Variants in HTR2A observed in about 807,000 individuals in gnomAD.
HTR2A encodes the protein 5-hydroxytryptamine receptor 2A, also known as 5-HT2 receptor.
Under a neutral mutation model 31.0 loss-of-function variants are expected in HTR2A, and 14 were observed. The observed-to-expected ratio is 0.45, with a 90% CI of 0.30 to 0.71. The LOEUF (loss-of-function observed/expected upper bound fraction) is 0.71, where lower values mean the gene tolerates loss of function less well. Among genes scored for constraint, HTR2A ranks in the 30% least tolerant of loss-of-function variants. The pLI, the probability that HTR2A is intolerant of heterozygous loss-of-function variation, is 0.09. For synonymous variants in HTR2A, 209 were observed against 225.2 expected (o/e 0.93, Z 0.64); for missense variants, 442 against 573.3 (o/e 0.77, Z 2.34).
intron 3 of HTR2A, among the ~76,000 whole-genome samples, chr13:46,855,902 G>A (rs1950732874): frequency 6.6e-6 from 1 of 152,178 alleles, no homozygotes; most frequent in African/African-American, 2.4e-5. Flanking sequence ...AAACAGCTCT[G>A]GGCGTTGGAG....
In HTR2A at chr13:46,885,451, T is replaced by C. The variant is rs142378146; in HGVS notation, c.613+6939A>G. ...AACTATGGAAAGGGAAACTGGATAATGGAAACAACTGTAGTCTCAACTTAA... is the reference window on the plus strand; with the variant it reads ...AACTATGGAAAGGGAAACTGGATAACGGAAACAACTGTAGTCTCAACTTAA... On this transcript the variant is annotated intron_variant, in intron 3 of 3. Transcript: ENST00000542664. 3.2e-3 allele frequency among the ~76,000 whole-genome samples: 480 copies of C among 152,330 alleles called. 3 individuals carry two copies. Among genetic ancestry groups the C allele is most frequent in the African/African-American group, 0.011 (453 of 41,576 alleles).
At chr13:46,856,738 CT>C (rs1650536065) in intron 3 of HTR2A, among the ~76,000 whole-genome samples, 1 of 152,162 alleles carries the variant, frequency 6.6e-6, no homozygotes, top group South Asian at 2.1e-4. Flanking sequence ...TTATCGTTAT[CT>C]AATTACACAA....
At chr13:46,868,609 C>G (rs116966102) in intron 3 of HTR2A, among the ~76,000 whole-genome samples, 1 of 152,242 alleles carries the variant, frequency 6.6e-6, no homozygotes, top group East Asian at 1.9e-4. Context: ...AACCTACTCA[C>G]GGGGGTATAT....
chr13:46,882,412 T>C (rs977133480), intron 3 of HTR2A, among the ~76,000 whole-genome samples: 2 of 152,126 alleles, frequency 1.3e-5, no homozygotes, highest in Non-Finnish European at 2.9e-5. Flanking sequence ...GCTGGGACAA[T>C]AGGTTGCCAT....
chr13:46,834,898 T>A lies in HTR2A; in HGVS notation c.1355A>T (p.His452Leu), dbSNP rs768425509. Reference sequence around the variant, plus strand: ...ATTGTCTTTAGAAGCCTCTTCAGAATGCTGCTTTCCTAGAGCAACCATTGA... The same window carrying A: ...ATTGTCTTTAGAAGCCTCTTCAGAAAGCTGCTTTCCTAGAGCAACCATTGA... ...DCSMVALGKQ[H>L]SEEASKDNSD... The change falls in exon 4 of 4, where the codon CAT (histidine) becomes CTT (leucine). Residue 452 changes from histidine to leucine, a missense_variant. Around this residue, in one of 5 missense-constraint regions of HTR2A, gnomAD observed 88 missense variants for 83.1 expected, o/e 1.06. Transcript: ENST00000542664. 1.2e-6 allele frequency: 2 copies of A among 1,614,118 alleles called. No homozygotes were observed. Among genetic ancestry groups the A allele is most frequent in the Non-Finnish European group, 1.7e-6 (2 of 1,179,966 alleles).
Position 46,896,142 on chromosome 13 carries a change from T to A in HTR2A, c.-236A>T, listed in dbSNP as rs1382251618. On this transcript the variant is annotated 5_prime_UTR_variant, in exon 2 of 4. The change abolishes the stop of an existing upstream ORF in the 5' untranslated region. Transcript: ENST00000542664. ...AGGAGAGTCCACTGTTTGGTTTTATTATTTTCTCACCAAACCGAGGACAAA... is the reference window on the plus strand; with the variant it reads ...AGGAGAGTCCACTGTTTGGTTTTATAATTTTCTCACCAAACCGAGGACAAA... 1.6e-6 allele frequency: 2 copies of A among 1,252,818 alleles called. No homozygotes were observed. Among genetic ancestry groups the A allele is most frequent in the African/African-American group, 3.1e-5 (2 of 64,758 alleles). 77.6% of individuals were successfully genotyped at this position (1,252,818 alleles called of 1,614,324 possible).
chr13:46,864,476 G>A (rs957844065), intron 3 of HTR2A, among the ~76,000 whole-genome samples: 2 of 151,958 alleles, frequency 1.3e-5, no homozygotes, highest in Non-Finnish European at 2.9e-5. Context: ...AAAGGCCCTC[G>A]CAGGTCTTAC....
intron 3 of HTR2A, among the ~76,000 whole-genome samples, chr13:46,888,792 T>G (rs1031639384): frequency 2.0e-5 from 3 of 152,216 alleles, no homozygotes; most frequent in Non-Finnish European, 4.4e-5. Context: ...CTAAAGTTTT[T>G]GCACTATCCG....
chr13:46,852,627 A>G (rs1467692836), intron 3 of HTR2A, among the ~76,000 whole-genome samples: 3 of 152,238 alleles, frequency 2.0e-5, no homozygotes, highest in Non-Finnish European at 2.9e-5. Context: ...TGCATGCAGT[A>G]TATTTCTTTA....
At chr13:46,897,168 A>G (rs1951111939), upstream of HTR2A, 8 of 220,850 alleles carry the variant, frequency 3.6e-5, no homozygotes, top group South Asian at 7.7e-4. Flanking sequence ...TTTTTGCTAC[A>G]TATTAATATT....
At chr13:46,868,374 TGA>T (rs941539278) in intron 3 of HTR2A, among the ~76,000 whole-genome samples, 4 of 152,210 alleles carry the variant, frequency 2.6e-5, no homozygotes, top group African/African-American at 4.8e-5. Context: ...ACAAGGTTGT[TGA>T]GGATAAAGGC....
chr13:46,870,422 T>C (rs772349952), intron 3 of HTR2A, among the ~76,000 whole-genome samples: 3 of 152,134 alleles, frequency 2.0e-5, no homozygotes, highest in Non-Finnish European at 4.4e-5. Flanking sequence ...GAAAAACAAA[T>C]TGACAATACA....
At position 46,834,767 on chromosome 13, in the gene HTR2A, A is replaced by T. The variant is rs938876144; in HGVS notation, c.*70T>A. 38 of 1,066,906 alleles carry T rather than the reference A, an allele frequency of 3.6e-5. No homozygotes were observed. In the African/African-American group the frequency reaches 4.9e-4, roughly 14 times the overall value. The allele number at this position is 1,066,906 out of a possible 1,614,324, so 66.1% of individuals were successfully genotyped here. ...CTTGTCTAATTTTTTCCAATCTCAT[A>T]TTTTTTTTTTTCCAGATAGGTGAAA... On this transcript the variant is annotated 3_prime_UTR_variant, in exon 4 of 4. Transcript: ENST00000542664.
At chr13:46,880,696 G>A (rs1323623196) in intron 3 of HTR2A, among the ~76,000 whole-genome samples, 7 of 151,964 alleles carry the variant, frequency 4.6e-5, no homozygotes, top group Admixed American at 6.5e-5. Flanking sequence ...AAAATTAGCT[G>A]GGTGTGGTGG....
In HTR2A at chr13:46,834,866, C is replaced by T. The variant is rs749275325; in HGVS notation, c.1387G>A (p.Gly463Arg). 1.2e-5 allele frequency: 19 copies of T among 1,613,300 alleles called. No individual in the cohort carries two copies. Among genetic ancestry groups the T allele is most frequent in the East Asian group, 2.2e-5 (1 of 44,890 alleles). The change falls in exon 4 of 4, where the codon GGA (glycine) becomes AGA (arginine). Residue 463 changes from glycine to arginine, a missense_variant. This residue lies in a region of HTR2A where 88 missense variants were observed against 83.1 expected (regional missense o/e 1.06). Transcript: ENST00000542664. ...SEEASKDNSD[G>R]VNEKVSCV is the part of the protein sequence containing the mutation. ...ACACAGCTCACCTTTTCATTCACTC[C>T]GTCGCTATTGTCTTTAGAAGCCTCT... is the stretch of plus-strand genomic sequence containing the variant.
chr13:46,874,286 T>C (rs1382563408), intron 3 of HTR2A, among the ~76,000 whole-genome samples: 3 of 152,214 alleles, frequency 2.0e-5, no homozygotes, highest in Non-Finnish European at 4.4e-5. Flanking sequence ...TTTGCTATAC[T>C]TCGCCAAGTA....
chr13:46,844,586 A>T (rs1479365585), intron 3 of HTR2A, among the ~76,000 whole-genome samples: 1 of 152,200 alleles, frequency 6.6e-6, no homozygotes, highest in Non-Finnish European at 1.5e-5. Context: ...GAGAATCAGG[A>T]GACTTGCGTT....
At chr13:46,891,478 T>C (rs1951052032) in intron 3 of HTR2A, among the ~76,000 whole-genome samples, 1 of 152,210 alleles carries the variant, frequency 6.6e-6, no homozygotes, top group African/African-American at 2.4e-5. Flanking sequence ...GATATAGTAT[T>C]ATTGTGTTGG....
At chr13:46,889,885 C>T (rs758289320) in intron 3 of HTR2A, among the ~76,000 whole-genome samples, 2 of 152,184 alleles carry the variant, frequency 1.3e-5, no homozygotes, top group African/African-American at 2.4e-5. Context: ...TCCGCTTGCC[C>T]CCTCCTCAGG....
Sources: gnomAD v4.1 joint callset for allele counts (sites outside exome capture counted in the v4.1 genomes callset) on GRCh38, gnomAD v4.1.1 for gene constraint, gnomAD v4.1.1 regional missense constraint, MANE v1.5 for transcripts, NCBI Gene and HGNC (gene_info 2026-07-23, HGNC 2026-07-21) for gene names.